Variants in EPB41L4A observed in about 807,000 individuals in gnomAD.
EPB41L4A encodes erythrocyte membrane protein band 4.1 like 4A, also known as band 4.1-like protein 4A.
In EPB41L4A, 100 loss-of-function variants were observed where a neutral mutation model predicts 108.6. The ratio of observed to expected loss-of-function variants is 0.92; its 90% CI spans 0.78 to 1.09. The LOEUF is 1.09. Among genes scored for constraint, EPB41L4A ranks in the 50% least tolerant of loss-of-function variants. EPB41L4A has a pLI of 0.00. For missense variants in EPB41L4A, 1,030 were observed against 842.7 expected (o/e 1.22, Z -2.75); for synonymous variants, 319 against 289.0 (o/e 1.10, Z -1.05).
At chr5:112,225,247 A>T (rs1256263426) in intron 12 of EPB41L4A, among the ~76,000 whole-genome samples, 1 of 152,220 alleles carries the variant, frequency 6.6e-6, no homozygotes, top group Admixed American at 6.5e-5. Context: ...TCCTCATGAA[A>T]TGGAGCACCC....
intron 18 of EPB41L4A, among the ~76,000 whole-genome samples, chr5:112,180,412 C>T (rs1047163939): frequency 6.6e-6 from 1 of 152,062 alleles, no homozygotes; most frequent in African/African-American, 2.4e-5. Flanking sequence ...AATTGGCCCA[C>T]ATGTGAGCAG....
At chr5:112,171,630 G>C (rs1324445870) in intron 18 of EPB41L4A, among the ~76,000 whole-genome samples, 1 of 152,238 alleles carries the variant, frequency 6.6e-6, no homozygotes, top group Non-Finnish European at 1.5e-5. Flanking sequence ...TATGTGAGCA[G>C]ATATTATACC....
intron 1 of EPB41L4A, among the ~76,000 whole-genome samples, chr5:112,364,588 G>A: frequency 6.6e-6 from 1 of 152,122 alleles, no homozygotes; most frequent in Non-Finnish European, 1.5e-5. Context: ...TATTTCATGA[G>A]TGTTTCACTC....
At chr5:112,326,854 A>G (rs1421099429) in intron 1 of EPB41L4A, among the ~76,000 whole-genome samples, 2 of 152,210 alleles carry the variant, frequency 1.3e-5, no homozygotes, top group Non-Finnish European at 2.9e-5. Context: ...TAGGCAGCAG[A>G]GCAATAACAG....
At chr5:112,333,400 A>T (rs1276711052) in intron 1 of EPB41L4A, among the ~76,000 whole-genome samples, 1 of 152,176 alleles carries the variant, frequency 6.6e-6, no homozygotes, top group Non-Finnish European at 1.5e-5. Context: ...TCTCCGCAGG[A>T]AGCTGCAGCC....
chr5:112,211,190 C>A (rs1157343760), intron 12 of EPB41L4A, among the ~76,000 whole-genome samples: 1 of 152,164 alleles, frequency 6.6e-6, no homozygotes, highest in East Asian at 1.9e-4. Context: ...TCTGGCTCCA[C>A]AGACTTAGCT....
intron 13 of EPB41L4A, among the ~76,000 whole-genome samples, chr5:112,144,680 G>A (rs1188861582): frequency 6.6e-6 from 1 of 152,188 alleles, no homozygotes; most frequent in Non-Finnish European, 1.5e-5. Context: ...GGATTGTAGA[G>A]ATAGAAGAAA....
At chr5:112,383,947 A>T (rs1760331317) in intron 1 of EPB41L4A, among the ~76,000 whole-genome samples, 1 of 152,244 alleles carries the variant, frequency 6.6e-6, no homozygotes, top group Non-Finnish European at 1.5e-5. Context: ...ATAAAAATGA[A>T]GTACTGATAC....
rs533967771 is a variant in EPB41L4A at position 112,332,507 on chromosome 5, G to C, written c.100-25017C>G. On this transcript the variant is annotated intron_variant, in intron 1 of 22. Transcript: ENST00000261486. ...CATAATAAAACTCTGGCTGAAGAGA[G>C]ATGCATGGCACCAATGCTCCTGAAT... Among the ~76,000 whole-genome samples the C allele has an allele frequency of 3.0e-4, 46 of 152,288 alleles. 1 individual carries two copies. The South Asian group carries it at 4.2e-3, about 14-fold the overall frequency.
chr5:112,188,052 C>CACTGAAAGAAACTT (rs974534703), intron 17 of EPB41L4A, among the ~76,000 whole-genome samples: 3 of 152,216 alleles, frequency 2.0e-5, no homozygotes, highest in Non-Finnish European at 4.4e-5. Context: ...CAGACAGACA[C>CACTGAAAGAAACTT]ACTGAAAGAA....
At chr5:112,295,037 G>T (rs1434354475) in intron 2 of EPB41L4A, among the ~76,000 whole-genome samples, 5 of 152,326 alleles carry the variant, frequency 3.3e-5, no homozygotes, top group African/African-American at 1.2e-4. Flanking sequence ...ATCTGGCACT[G>T]AAACTAAAAT....
At chr5:112,390,405 G>A (rs1241160677) in intron 1 of EPB41L4A, among the ~76,000 whole-genome samples, 1 of 152,176 alleles carries the variant, frequency 6.6e-6, no homozygotes, top group Non-Finnish European at 1.5e-5. Flanking sequence ...TCCCGCACCT[G>A]GCTCAGTGGG....
chr5:112,279,851 C>G (rs1209009811), intron 3 of EPB41L4A, among the ~76,000 whole-genome samples: 1 of 152,138 alleles, frequency 6.6e-6, no homozygotes. Flanking sequence ...GCTTAGGAAA[C>G]TGAGTGGTCT....
Position 112,280,332 on chromosome 5 carries a change from G to C in EPB41L4A, c.205-9C>G, listed in dbSNP as rs1397008743. The stretch of plus-strand genomic sequence containing the variant: ...GCAGGATCCAGCCAATACTGTGTGA[G>C]GAAGAAAAGGACAATTAAAGAAATT... On this transcript the variant is annotated splice_polypyrimidine_tract_variant and intron_variant, in intron 2 of 22. Coordinates refer to ENST00000261486, the MANE Select transcript of EPB41L4A (RefSeq NM_022140.5). 4.3e-6 allele frequency: 7 copies of C among 1,612,852 alleles called. No homozygotes were observed. Among genetic ancestry groups the C allele is most frequent in the Non-Finnish European group, 5.9e-6 (7 of 1,178,906 alleles).
chr5:112,392,163 C>T (rs963879966), intron 1 of EPB41L4A, among the ~76,000 whole-genome samples: 7 of 152,124 alleles, frequency 4.6e-5, no homozygotes, highest in East Asian at 1.9e-4. Context: ...GAAACTGCAT[C>T]GACTAATGGG....
chr5:112,196,008 T>C (rs1412362578), intron 15 of EPB41L4A, among the ~76,000 whole-genome samples: 3 of 152,210 alleles, frequency 2.0e-5, no homozygotes, highest in African/African-American at 4.8e-5. Flanking sequence ...ATTTCTGCCA[T>C]AGTGGAACTG....
chr5:112,360,831 C>A (rs1327143584), intron 1 of EPB41L4A, among the ~76,000 whole-genome samples: 1 of 151,884 alleles, frequency 6.6e-6, no homozygotes, highest in South Asian at 2.1e-4. Context: ...ATGTGGGGAG[C>A]GCCTCTGCCC....
intron 1 of EPB41L4A, among the ~76,000 whole-genome samples, chr5:112,379,723 C>T (rs1020624462): frequency 1.3e-5 from 2 of 152,260 alleles, no homozygotes; most frequent in Admixed American, 6.5e-5. Flanking sequence ...CAGCATTTAC[C>T]AAACTCAGAC....
intron 1 of EPB41L4A, among the ~76,000 whole-genome samples, chr5:112,364,420 A>T (rs948713840): frequency 1.3e-5 from 2 of 152,184 alleles, no homozygotes; most frequent in African/African-American, 4.8e-5. Flanking sequence ...TATTGCCTTG[A>T]TCTGGAATTG....
Sources: gnomAD v4.1 joint callset for allele counts (sites outside exome capture counted in the v4.1 genomes callset) on GRCh38, gnomAD v4.1.1 for gene constraint, MANE v1.5 for transcripts, NCBI Gene and HGNC (gene_info 2026-07-23, HGNC 2026-07-21) for gene names.